Variants in ADAM12 observed in about 807,000 individuals in gnomAD.
The protein encoded by ADAM12 is ADAM metallopeptidase domain 12, also known as disintegrin and metalloproteinase domain-containing protein 12.
In ADAM12, 70 loss-of-function variants were observed where a neutral mutation model predicts 106.4. That is an observed-to-expected ratio of 0.66 (90% confidence interval 0.54 to 0.80). The LOEUF (loss-of-function observed/expected upper bound fraction) is 0.80. Among genes scored for constraint, ADAM12 ranks in the 30% least tolerant of loss-of-function variants. ADAM12 has a pLI of 0.00. For synonymous variants in ADAM12, 420 were observed against 433.5 expected, an observed-to-expected ratio of 0.97 and a Z score of 0.39; for missense variants, 1,010 against 1,171.9, an observed-to-expected ratio of 0.86 and a Z score of 2.02.
intron 3 of ADAM12, among the ~76,000 whole-genome samples, chr10:126,203,265 T>C (rs1957734513): frequency 7.0e-6 from 1 of 142,464 alleles, no homozygotes; most frequent in African/African-American, 2.7e-5. Context: ...GAAAGTATTC[T>C]TTATTTGACA....
In ADAM12 at chr10:126,377,026, C is replaced by T. The variant is rs139765452; in HGVS notation, c.88+11032G>A. ...TTTGTTCAAGGTTTGGGGTGAGCAA[C>T]GATCCCAATTTGCCTGGCACTGAGA... On this transcript the variant is annotated intron_variant, in intron 1 of 22. Transcript: ENST00000448723. 2.7e-3 allele frequency among the ~76,000 whole-genome samples: 407 copies of T among 152,278 alleles called. 8 individuals are homozygous for T. Among genetic ancestry groups the T allele is most frequent in the South Asian group, 0.024 (117 of 4,826 alleles).
At chr10:126,340,177 T>C (rs1854873822) in intron 1 of ADAM12, among the ~76,000 whole-genome samples, 1 of 152,218 alleles carries the variant, frequency 6.6e-6, no homozygotes, top group African/African-American at 2.4e-5. Context: ...TTAAGCAGGC[T>C]AACTCTGACC....
chr10:126,285,531 C>T (rs1959813498), intron 2 of ADAM12, among the ~76,000 whole-genome samples: 1 of 152,174 alleles, frequency 6.6e-6, no homozygotes, highest in Admixed American at 6.5e-5. Context: ...ATAGCTCTTG[C>T]TATTTGTACT....
At chr10:126,128,839 G>A (rs1448439652) in intron 5 of ADAM12, among the ~76,000 whole-genome samples, 5 of 146,668 alleles carry the variant, frequency 3.4e-5, no homozygotes, top group African/African-American at 1.0e-4. Context: ...TGTGTGGTGC[G>A]TGTGGGAATG....
At chr10:126,177,422 G>A (rs1957239619) in intron 3 of ADAM12, among the ~76,000 whole-genome samples, 1 of 152,054 alleles carries the variant, frequency 6.6e-6, no homozygotes, top group African/African-American at 2.4e-5. Context: ...GACTTAGAAG[G>A]TCTCATGAAT....
At chr10:126,321,235 G>C (rs1854084567) in intron 2 of ADAM12, among the ~76,000 whole-genome samples, 1 of 152,106 alleles carries the variant, frequency 6.6e-6, no homozygotes, top group Non-Finnish European at 1.5e-5. Flanking sequence ...TACAATTTCT[G>C]TCTCAAGAAG....
rs183562409 is a variant in ADAM12, at chr10:126,215,390, T to C, written c.261-60085A>G. Among the ~76,000 whole-genome samples, 359 of 152,230 alleles carry C rather than the reference T, an allele frequency of 2.4e-3. 2 individuals carry two copies. Among genetic ancestry groups the C allele is most frequent in the African/African-American group, 8.3e-3 (344 of 41,530 alleles). ...GCCCTTCCATAACTCAGGGTTTCAA[T>C]CCATGTTAAATATCTGGGGGAGGCC... On this transcript the variant is annotated intron_variant, in intron 3 of 22. Coordinates refer to ENST00000448723, the MANE Select transcript of ADAM12 (RefSeq NM_001288973.2).
intron 11 of ADAM12, among the ~76,000 whole-genome samples, chr10:126,082,363 G>GT (rs5788763): frequency 0.08 from 6,429 of 80,402 alleles, 772 homozygotes; most frequent in African/African-American, 0.13. Context: ...TCTAATGACT[G>GT]TTTTTTTTTT....
At chr10:126,383,165 A>G (rs1467929488) in intron 1 of ADAM12, among the ~76,000 whole-genome samples, 1 of 151,912 alleles carries the variant, frequency 6.6e-6, no homozygotes, top group Non-Finnish European at 1.5e-5. Flanking sequence ...GTGGCTCACT[A>G]TATTACCCAG....
intron 3 of ADAM12, among the ~76,000 whole-genome samples, chr10:126,169,929 G>C (rs1018770942): frequency 1.1e-4 from 17 of 152,188 alleles, no homozygotes; most frequent in African/African-American, 4.1e-4. Context: ...ATGTAGATTG[G>C]CATCTTCCGC....
intron 11 of ADAM12, among the ~76,000 whole-genome samples, chr10:126,074,752 C>CA (rs1352957191): frequency 6.6e-6 from 1 of 152,220 alleles, no homozygotes; most frequent in East Asian, 1.9e-4. Context: ...AGCATCCTAG[C>CA]ATTAATTCTT....
At chr10:126,331,231 C>T (rs542555750) in intron 1 of ADAM12, among the ~76,000 whole-genome samples, 92 of 152,262 alleles carry the variant, frequency 6.0e-4, no homozygotes, top group Non-Finnish European at 1.1e-3. Flanking sequence ...TCAACAAATA[C>T]GCTAATTTCT....
At chr10:126,354,334 T>C (rs993916892) in intron 1 of ADAM12, among the ~76,000 whole-genome samples, 2 of 152,174 alleles carry the variant, frequency 1.3e-5, no homozygotes, top group Non-Finnish European at 2.9e-5. Context: ...TTTAACGCAA[T>C]TGGCTCCAGC....
At chr10:126,058,702 G>T (rs570240904) in intron 14 of ADAM12, among the ~76,000 whole-genome samples, 5 of 152,174 alleles carry the variant, frequency 3.3e-5, no homozygotes, top group African/African-American at 4.8e-5. Context: ...TGCTGATCCC[G>T]GTCAGGATAG....
At chr10:126,298,687 A>G (rs1204776594) in intron 2 of ADAM12, among the ~76,000 whole-genome samples, 4 of 152,178 alleles carry the variant, frequency 2.6e-5, no homozygotes, top group African/African-American at 9.6e-5. Flanking sequence ...TCACGAATCC[A>G]AAGTATTATA....
At chr10:126,072,095 A>G (rs1019136914) in intron 11 of ADAM12, among the ~76,000 whole-genome samples, 3 of 152,192 alleles carry the variant, frequency 2.0e-5, no homozygotes, top group African/African-American at 7.2e-5. Flanking sequence ...TATTAATTCC[A>G]TGGTTCCAAG....
At chr10:126,373,151 C>T (rs772814483) in intron 1 of ADAM12, among the ~76,000 whole-genome samples, 1 of 152,150 alleles carries the variant, frequency 6.6e-6, no homozygotes, top group African/African-American at 2.4e-5. Flanking sequence ...TTGGCTTACT[C>T]CATTGTACAA....
At chr10:126,272,146 T>G (rs1436324699) in intron 3 of ADAM12, among the ~76,000 whole-genome samples, 1 of 152,230 alleles carries the variant, frequency 6.6e-6, no homozygotes, top group Non-Finnish European at 1.5e-5. Flanking sequence ...TGTAATGATC[T>G]GCTTAGTGTT....
chr10:126,035,507 TAC>T (rs1954043057), intron 21 of ADAM12, among the ~76,000 whole-genome samples: 1 of 152,148 alleles, frequency 6.6e-6, no homozygotes, highest in Non-Finnish European at 1.5e-5. Flanking sequence ...TATGTTAAAA[TAC>T]ACAATTATAA....
Sources: gnomAD v4.1 joint callset for allele counts (sites outside exome capture counted in the v4.1 genomes callset) on GRCh38, gnomAD v4.1.1 for gene constraint, MANE v1.5 for transcripts, NCBI Gene and HGNC (gene_info 2026-07-23, HGNC 2026-07-21) for gene names.